The following CLSTN2 variants were observed in gnomAD, a reference collection of about 807,000 sequenced individuals.
CLSTN2 encodes the protein calsyntenin-2.
CLSTN2 carries 48 observed loss-of-function variants against 101.2 expected under a neutral mutation model. That is an observed-to-expected ratio of 0.47 (90% CI 0.38 to 0.60). The LOEUF (loss-of-function observed/expected upper bound fraction) is 0.60, where lower values mean the gene tolerates loss of function less well. CLSTN2 is among the 20% of genes least tolerant of loss of function. The pLI, the probability that CLSTN2 is intolerant of heterozygous loss-of-function variation, is 0.00. For synonymous variants in CLSTN2, 481 were observed against 463.6 expected (o/e 1.04, Z -0.48); for missense variants, 1,160 against 1,238.2 (o/e 0.94, Z 0.95).
At chr3:140,235,628 G>A (rs2086410270) in intron 2 of CLSTN2, among the ~76,000 whole-genome samples, 1 of 152,148 alleles carries the variant, frequency 6.6e-6, no homozygotes, top group Non-Finnish European at 1.5e-5. Flanking sequence ...CTATTCTCTG[G>A]TGAGAAACCT....
chr3:140,057,724 G>A (rs192479296), intron 1 of CLSTN2, among the ~76,000 whole-genome samples: 1 of 152,214 alleles, frequency 6.6e-6, no homozygotes, highest in Admixed American at 6.5e-5. Flanking sequence ...CTTAAAATAT[G>A]CCACCTCCCA....
Position 140,532,499 on chromosome 3 carries a change from G to T in CLSTN2, c.1507+13G>T, listed in dbSNP as rs1935278452. The T allele has an allele frequency of 6.2e-7, 1 of 1,607,068 alleles. No individual in the cohort carries two copies. The highest frequency in any genetic ancestry group is 1.3e-5 in the African/African-American group (1 of 74,756). Reference sequence around the variant, plus strand: ...GCTTGTTGGCAAGGTAATCCTAAGTGAAACCCTTTTCTCTGACCTGTTTGT... The same window carrying T: ...GCTTGTTGGCAAGGTAATCCTAAGTTAAACCCTTTTCTCTGACCTGTTTGT... On this transcript the variant is annotated intron_variant, in intron 9 of 16. Coordinates refer to ENST00000458420, the MANE Select transcript of CLSTN2 (RefSeq NM_022131.3).
Position 139,935,280 on chromosome 3 carries a change from A to G in CLSTN2, c.-95A>G, listed in dbSNP as rs1040019998. ...AGCGCTAGAAGCGCACCCATCGGGC[A>G]CGGCGAGGCGGCCCACGGTGCGGCA... On this transcript the variant is annotated 5_prime_UTR_variant, in exon 1 of 17. Coordinates refer to ENST00000458420, the MANE Select transcript of CLSTN2 (RefSeq NM_022131.3). This position sits in a 1 kb window ranked among gnomAD's most constrained non-coding sequence, Gnocchi z 5.5. 2 of 598,046 alleles carry G rather than the reference A, an allele frequency of 3.3e-6. No homozygotes were observed. The highest frequency in any genetic ancestry group is 4.8e-6 in the Non-Finnish European group (2 of 416,326). 37.0% of individuals were successfully genotyped at this position (598,046 alleles called of 1,614,324 possible).
intron 5 of CLSTN2, among the ~76,000 whole-genome samples, chr3:140,442,535 G>A (rs1442719848): frequency 1.3e-5 from 2 of 151,948 alleles, no homozygotes; most frequent in Non-Finnish European, 2.9e-5. Context: ...CCAGTTGCAG[G>A]GTTAACACTC....
intron 1 of CLSTN2, among the ~76,000 whole-genome samples, chr3:140,059,002 C>T (rs2008148909): frequency 6.6e-6 from 1 of 151,518 alleles, no homozygotes; most frequent in Admixed American, 6.6e-5. Context: ...AAGTTTGGCA[C>T]CCAATTAGCA....
chr3:140,316,341 G>C (rs1474636085), intron 2 of CLSTN2, among the ~76,000 whole-genome samples: 2 of 152,196 alleles, frequency 1.3e-5, no homozygotes. Context: ...ACAGCTGTTT[G>C]AGCTTAGGTG....
intron 1 of CLSTN2, among the ~76,000 whole-genome samples, chr3:140,059,508 T>C (rs762077824): frequency 5.3e-4 from 81 of 152,220 alleles, no homozygotes; most frequent in Non-Finnish European, 7.6e-4. Context: ...TGGAGAGGGT[T>C]CTGGGGGGCC....
chr3:140,362,034 A>G (rs1470524206), intron 2 of CLSTN2, among the ~76,000 whole-genome samples: 1 of 152,198 alleles, frequency 6.6e-6, no homozygotes, highest in African/African-American at 2.4e-5. Flanking sequence ...GGAATAACGA[A>G]GTCAAAGACT....
intron 8 of CLSTN2, among the ~76,000 whole-genome samples, chr3:140,472,597 C>T (rs1372126447): frequency 6.6e-6 from 1 of 152,222 alleles, no homozygotes; most frequent in Non-Finnish European, 1.5e-5. Context: ...TCCAATGCAG[C>T]AGGCCACTCT....
intron 8 of CLSTN2, among the ~76,000 whole-genome samples, chr3:140,531,931 A>G (rs1159793030): frequency 6.6e-6 from 1 of 152,154 alleles, no homozygotes; most frequent in African/African-American, 2.4e-5. Context: ...AGCCAACTGG[A>G]AATTTTGACA....
intron 1 of CLSTN2, among the ~76,000 whole-genome samples, chr3:139,993,143 G>A (rs1936144293): frequency 6.6e-6 from 1 of 152,004 alleles, no homozygotes; most frequent in Middle Eastern, 3.2e-3. Flanking sequence ...CTGGACACAG[G>A]CCCTCTTTCT....
At chr3:139,983,028 ATCAG>A (rs1418813290) in intron 1 of CLSTN2, among the ~76,000 whole-genome samples, 1 of 151,382 alleles carries the variant, frequency 6.6e-6, no homozygotes, top group Non-Finnish European at 1.5e-5. Context: ...TTTTGTAATG[ATCAG>A]TACTTCAAAG....
intron 1 of CLSTN2, among the ~76,000 whole-genome samples, chr3:139,958,963 A>G (rs1189698785): frequency 6.6e-6 from 1 of 151,408 alleles, no homozygotes; most frequent in East Asian, 1.9e-4. Flanking sequence ...GTAAGGTGGG[A>G]AACTACGTCC....
chr3:140,528,818 T>C (rs769640033), intron 8 of CLSTN2, among the ~76,000 whole-genome samples: 10 of 152,200 alleles, frequency 6.6e-5, no homozygotes, highest in Non-Finnish European at 1.5e-4. Context: ...TTGCACCTGG[T>C]CTACAACACT....
At chr3:140,008,355 T>G (rs920051191) in intron 1 of CLSTN2, among the ~76,000 whole-genome samples, 2 of 152,220 alleles carry the variant, frequency 1.3e-5, no homozygotes, top group African/African-American at 4.8e-5. Context: ...TGCCCAGTAT[T>G]CCAAGGCTCA....
chr3:140,254,568 A>G (rs959372508), intron 2 of CLSTN2, among the ~76,000 whole-genome samples: 3 of 152,182 alleles, frequency 2.0e-5, no homozygotes, highest in African/African-American at 7.2e-5. Context: ...ATCTCTGTTA[A>G]TGAGGAAGGA....
intron 8 of CLSTN2, among the ~76,000 whole-genome samples, chr3:140,525,149 A>T (rs1935111104): frequency 6.6e-6 from 1 of 152,198 alleles, no homozygotes; most frequent in Admixed American, 6.5e-5. Context: ...AAAGATCAAT[A>T]AAACCAAGAG....
chr3:140,053,636 C>T (rs2008044040), intron 1 of CLSTN2, among the ~76,000 whole-genome samples: 1 of 152,212 alleles, frequency 6.6e-6, no homozygotes. Flanking sequence ...TGCTCTCTGT[C>T]TTCCCCATTC....
At chr3:140,228,523 C>T (rs1469410244) in intron 2 of CLSTN2, among the ~76,000 whole-genome samples, 6 of 152,182 alleles carry the variant, frequency 3.9e-5, no homozygotes, top group African/African-American at 1.2e-4. Context: ...TGCATGTTAC[C>T]CAGTTCCAAA....
Sources: allele counts gnomAD v4.1 joint callset (sites outside exome capture counted in the v4.1 genomes callset), GRCh38; gene constraint gnomAD v4.1.1; non-coding constraint Gnocchi (gnomAD v3.1); transcripts MANE v1.5; gene names NCBI Gene and HGNC (gene_info 2026-07-23, HGNC 2026-07-21).